The following SAMD3 variants were observed in gnomAD, a reference collection of about 807,000 sequenced individuals.
SAMD3 encodes the protein sterile alpha motif domain-containing protein 3.
SAMD3 carries 63 observed loss-of-function variants against 58.5 expected under a neutral mutation model. That is an observed-to-expected ratio of 1.08 (90% confidence interval 0.88 to 1.33). The LOEUF (loss-of-function observed/expected upper bound fraction) is 1.33, where lower values mean the gene tolerates loss of function less well. Among genes scored for constraint, SAMD3 ranks in the 40% most tolerant of loss-of-function variants. The pLI is 0.00. For missense variants in SAMD3, 604 were observed against 608.4 expected (o/e 0.99, Z 0.08); for synonymous variants, 220 against 210.3 (o/e 1.05, Z -0.40).
intron 1 of SAMD3, among the ~76,000 whole-genome samples, chr6:130,338,215 A>G (rs1033498528): frequency 2.6e-5 from 4 of 152,230 alleles, no homozygotes; most frequent in African/African-American, 9.6e-5. Context: ...TCAAGCCCCA[A>G]GACTTGGCAG....
At chr6:130,285,922 T>C (rs1268909181) in intron 2 of SAMD3, among the ~76,000 whole-genome samples, 1 of 152,164 alleles carries the variant, frequency 6.6e-6, no homozygotes, top group Non-Finnish European at 1.5e-5. Context: ...TGATCACGGA[T>C]ATGAGATAAT....
At chr6:130,303,028 G>T (rs1199975627) in intron 2 of SAMD3, among the ~76,000 whole-genome samples, 1 of 152,164 alleles carries the variant, frequency 6.6e-6, no homozygotes, top group African/African-American at 2.4e-5. Flanking sequence ...ATACACCCAT[G>T]TAACAAACTG....
At chr6:130,153,666 T>TATATATATATA (rs58896049) in intron 9 of SAMD3, among the ~76,000 whole-genome samples, 1,352 of 90,936 alleles carry the variant, frequency 0.015, 41 homozygotes, top group African/African-American at 0.026. Context: ...ATATATATAT[T>TATATATATATA]TATTTATTTA....
intron 1 of SAMD3, among the ~76,000 whole-genome samples, chr6:130,349,550 A>T (rs1000028960): frequency 6.6e-6 from 1 of 152,202 alleles, no homozygotes; most frequent in Non-Finnish European, 1.5e-5. Context: ...TAGACCAATA[A>T]CAGGCTCTGA....
At chr6:130,246,563 T>C (rs1773553456) in intron 2 of SAMD3, among the ~76,000 whole-genome samples, 1 of 152,106 alleles carries the variant, frequency 6.6e-6, no homozygotes, top group Non-Finnish European at 1.5e-5. Context: ...ATTATGTTGA[T>C]GCTGGAAAAC....
chr6:130,227,001 G>A (rs1383299976), upstream of SAMD3, among the ~76,000 whole-genome samples: 1 of 152,080 alleles, frequency 6.6e-6, no homozygotes, highest in Non-Finnish European at 1.5e-5. Context: ...CCCTTTTTGA[G>A]GGTACAATTG....
chr6:130,300,561 C>A (rs1693024275), intron 2 of SAMD3, among the ~76,000 whole-genome samples: 1 of 152,190 alleles, frequency 6.6e-6, no homozygotes, highest in South Asian at 2.1e-4. Context: ...CCCCTAAGAA[C>A]TGGCACAAAA....
chr6:130,174,277 T>G (rs941343876), intron 8 of SAMD3, among the ~76,000 whole-genome samples: 5 of 152,186 alleles, frequency 3.3e-5, no homozygotes, highest in African/African-American at 1.2e-4. Flanking sequence ...CACCCAATTT[T>G]GTGCTTGAAA....
At position 130,287,917 on chromosome 6, in the gene SAMD3, C is replaced by G. The variant is rs575809263; in HGVS notation, c.-188+25061G>C. On this transcript the variant is annotated intron_variant, in intron 2 of 13. Coordinates refer to the SAMD3 transcript ENST00000368134. Reference sequence around the variant, plus strand: ...CTGAGATCACGCCACTGCACTCCAGCCTGGTGACAGAGCATGACTCCGTCT... The same window carrying G: ...CTGAGATCACGCCACTGCACTCCAGGCTGGTGACAGAGCATGACTCCGTCT... 4.7e-5 allele frequency among the ~76,000 whole-genome samples: 7 copies of G among 149,930 alleles called. No individual in the cohort carries two copies. The East Asian group carries it at 1.4e-3, about 30-fold the overall frequency.
chr6:130,160,231 A>G (rs1369138484), intron 8 of SAMD3: 2 of 152,230 alleles, frequency 1.3e-5, no homozygotes, highest in African/African-American at 4.8e-5. Flanking sequence ...AACAAATCAA[A>G]TATCCGTTAA....
At chr6:130,156,449 C>T (rs1337097182) in intron 8 of SAMD3, among the ~76,000 whole-genome samples, 1 of 152,136 alleles carries the variant, frequency 6.6e-6, no homozygotes, top group Non-Finnish European at 1.5e-5. Context: ...CGTTCATGAA[C>T]AAAGTTGCAG....
chr6:130,267,248 T>C (rs1310246096), intron 2 of SAMD3, among the ~76,000 whole-genome samples: 1 of 152,136 alleles, frequency 6.6e-6, no homozygotes, highest in African/African-American at 2.4e-5. Context: ...GGAAATTGGT[T>C]CCCAGCACTA....
chr6:130,322,700 G>A (rs1403998180), intron 1 of SAMD3, among the ~76,000 whole-genome samples: 2 of 152,210 alleles, frequency 1.3e-5, no homozygotes, highest in African/African-American at 4.8e-5. Context: ...ATGGTTTTAT[G>A]AGCAAGGTGG....
chr6:130,161,828 G>A (rs138936815), intron 8 of SAMD3: 1 of 154,938 alleles, frequency 6.5e-6, no homozygotes, highest in African/African-American at 2.4e-5. Flanking sequence ...TTCTTTAACA[G>A]TGCACGTTGA....
chr6:130,245,673 C>G (rs1489816997), intron 2 of SAMD3, among the ~76,000 whole-genome samples: 1 of 152,198 alleles, frequency 6.6e-6, no homozygotes, highest in African/African-American at 2.4e-5. Context: ...TCCTTTGGAG[C>G]AGAACCATGT....
intron 1 of SAMD3, among the ~76,000 whole-genome samples, chr6:130,351,204 A>G (rs972325933): frequency 2.0e-5 from 3 of 152,248 alleles, no homozygotes; most frequent in Non-Finnish European, 4.4e-5. Context: ...AGCAATGGCA[A>G]CAAAAGCCAA....
At chr6:130,270,774 C>A (rs1774530428) in intron 2 of SAMD3, among the ~76,000 whole-genome samples, 1 of 152,056 alleles carries the variant, frequency 6.6e-6, no homozygotes, top group South Asian at 2.1e-4. Flanking sequence ...TTTAGCCAGT[C>A]TTTTACTCAT....
chr6:130,354,426 T>C (rs1438900703), intron 1 of SAMD3, among the ~76,000 whole-genome samples: 1 of 152,124 alleles, frequency 6.6e-6, no homozygotes, highest in Non-Finnish European at 1.5e-5. Flanking sequence ...TCCACCTAAA[T>C]TGCTCACCAC....
intron 5 of SAMD3, among the ~76,000 whole-genome samples, chr6:130,206,393 G>C (rs1171221668): frequency 2.0e-5 from 3 of 152,188 alleles, no homozygotes; most frequent in Admixed American, 2.0e-4. Context: ...AGGCCAACTA[G>C]ACAGGGAAGC....
Sources: gnomAD v4.1 joint callset for allele counts (sites outside exome capture counted in the v4.1 genomes callset) on GRCh38, gnomAD v4.1.1 for gene constraint, MANE v1.5 for transcripts, NCBI Gene and HGNC (gene_info 2026-07-23, HGNC 2026-07-21) for gene names.